Variants in GFRA1 observed in about 807,000 individuals in gnomAD.
GFRA1 encodes GDNF family receptor alpha 1.
A neutral mutation model predicts 51.6 loss-of-function variants in GFRA1; 16 were observed. The ratio of observed to expected loss-of-function variants is 0.31; its 90% CI spans 0.21 to 0.47. The LOEUF is 0.47. Ranked by LOEUF, GFRA1 falls within the 20% of genes least tolerant of loss-of-function variation. The pLI is 1.00. For synonymous variants in GFRA1, 270 were observed against 241.3 expected (o/e 1.12, Z -1.10); for missense variants, 530 against 594.3 (o/e 0.89, Z 1.13).
At chr10:116,117,541 G>GTGGATGGA (rs1957462063) in intron 6 of GFRA1, among the ~76,000 whole-genome samples, 1 of 124,760 alleles carries the variant, frequency 8.0e-6, no homozygotes, top group Non-Finnish European at 1.7e-5. Context: ...GGATGGGTGG[G>GTGGATGGA]TGGGTGGGTG....
intron 5 of GFRA1, among the ~76,000 whole-genome samples, chr10:116,133,166 T>C (rs1469468450): frequency 6.6e-6 from 1 of 152,126 alleles, no homozygotes; most frequent in African/African-American, 2.4e-5. Context: ...GGGGAGTGCA[T>C]ATGCGAGTGG....
At position 116,148,082 on chromosome 10, in the gene GFRA1, G is replaced by GTGTGTCCATGCA. The variant is rs1555158858; in HGVS notation, c.434-22526_434-22525insTGCATGGACACA. ...TGTGTGCATGCGTGTGTGCATGTGT[G>GTGTGTCCATGCA]TGTGTGCATGCGTGTGTGCATGCAT... On this transcript the variant is annotated intron_variant, in intron 5 of 10. Coordinates refer to ENST00000355422, the MANE Select transcript of GFRA1 (RefSeq NM_005264.8). 1.5e-3 allele frequency among the ~76,000 whole-genome samples: 197 copies of GTGTGTCCATGCA among 129,492 alleles called. 2 individuals carry two copies. Among genetic ancestry groups the GTGTGTCCATGCA allele is most frequent in the Non-Finnish European group, 2.7e-3 (162 of 59,442 alleles). 85.0% of individuals were successfully genotyped at this position (129,492 alleles called of 152,430 possible).
intron 6 of GFRA1, among the ~76,000 whole-genome samples, chr10:116,122,365 C>T (rs1347942240): frequency 6.6e-6 from 1 of 152,166 alleles, no homozygotes. Flanking sequence ...GGGCTGTCTG[C>T]TTCCTGTTGT....
rs531059578 is a variant in GFRA1 at position 116,270,768 on chromosome 10, C to T, written c.334+54G>A. 5.3e-6 allele frequency: 8 copies of T among 1,503,042 alleles called. No homozygotes were observed. In the African/African-American group the frequency reaches 1.1e-4, roughly 21 times the overall value. 93.1% of individuals were successfully genotyped at this position (1,503,042 alleles called of 1,614,324 possible). ...GATCAGCTGGCCCAGGGACGAAAGG[C>T]CCGCCTGCCTTCGGGGAGGGACACG... is the stretch of plus-strand genomic sequence containing the variant. On this transcript the variant is annotated intron_variant, in intron 3 of 10. Coordinates refer to ENST00000355422, the MANE Select transcript of GFRA1 (RefSeq NM_005264.8).
chr10:116,213,740 A>G (rs920742689), intron 4 of GFRA1, among the ~76,000 whole-genome samples: 8 of 152,098 alleles, frequency 5.3e-5, no homozygotes, highest in African/African-American at 1.9e-4. Flanking sequence ...GCAAGAAGAG[A>G]AGATCTATGG....
At chr10:116,134,581 C>T (rs1958241727) in intron 5 of GFRA1, among the ~76,000 whole-genome samples, 1 of 152,186 alleles carries the variant, frequency 6.6e-6, no homozygotes. Context: ...CCCATTTTGT[C>T]ATTCGTACAC....
At chr10:116,258,407 T>TAA (rs1305424796) in intron 4 of GFRA1, among the ~76,000 whole-genome samples, 1 of 7,836 alleles carries the variant, frequency 1.3e-4, no homozygotes, top group Non-Finnish European at 3.0e-3. Flanking sequence ...ATAAAATATA[T>TAA]TATATTAATA....
chr10:116,164,743 T>C (rs1343224714), intron 5 of GFRA1, among the ~76,000 whole-genome samples: 2 of 152,128 alleles, frequency 1.3e-5, no homozygotes, highest in Non-Finnish European at 2.9e-5. Flanking sequence ...AAAAATAAGG[T>C]CTTTCCTTCA....
chr10:116,178,882 C>T (rs1057503867), intron 5 of GFRA1, among the ~76,000 whole-genome samples: 2 of 152,176 alleles, frequency 1.3e-5, no homozygotes, highest in African/African-American at 4.8e-5. Flanking sequence ...GAATCTCAGT[C>T]GGTCCTCTGA....
At chr10:116,157,877 G>A (rs1427426470) in intron 5 of GFRA1, among the ~76,000 whole-genome samples, 1 of 152,202 alleles carries the variant, frequency 6.6e-6, no homozygotes, top group Non-Finnish European at 1.5e-5. Context: ...CTGAACCTCA[G>A]AGCTGGTGAT....
At chr10:116,199,548 T>A (rs899065328) in intron 5 of GFRA1, among the ~76,000 whole-genome samples, 2 of 152,246 alleles carry the variant, frequency 1.3e-5, no homozygotes, top group East Asian at 3.8e-4. Context: ...AAATCTATAC[T>A]TGCTTTACCA....
chr10:116,080,153 A>AACTT (rs1328222286), intron 9 of GFRA1, among the ~76,000 whole-genome samples: 1 of 152,090 alleles, frequency 6.6e-6, no homozygotes, highest in Non-Finnish European at 1.5e-5. Context: ...AACTAATAAA[A>AACTT]ACTTACATAG....
intron 4 of GFRA1, among the ~76,000 whole-genome samples, chr10:116,251,026 C>T (rs1479051289): frequency 1.3e-5 from 2 of 152,242 alleles, no homozygotes; most frequent in Non-Finnish European, 2.9e-5. Flanking sequence ...GTCACCTCCT[C>T]AGAGAGGCAC....
At chr10:116,262,500 TA>T (rs10709032) in intron 4 of GFRA1, among the ~76,000 whole-genome samples, 120,166 of 145,114 alleles carry the variant, frequency 0.83, 47,815 homozygotes, top group African/African-American at 0.89. Flanking sequence ...ACCATTTTTG[TA>T]AAAAAAAATA....
chr10:116,214,667 A>T (rs1202321878), intron 4 of GFRA1, among the ~76,000 whole-genome samples: 2 of 152,222 alleles, frequency 1.3e-5, no homozygotes, highest in Non-Finnish European at 2.9e-5. Context: ...CAACCCTGAA[A>T]ACATTAGTGA....
intron 5 of GFRA1, among the ~76,000 whole-genome samples, chr10:116,199,307 C>A (rs141505161): frequency 8.5e-5 from 13 of 152,322 alleles, no homozygotes; most frequent in South Asian, 2.1e-4. Context: ...CGCGCTGCAG[C>A]CGGACCCCAA....
chr10:116,240,303 G>A (rs1342821153), intron 4 of GFRA1, among the ~76,000 whole-genome samples: 2 of 152,136 alleles, frequency 1.3e-5, no homozygotes, highest in African/African-American at 2.4e-5. Flanking sequence ...ACCTCTCAAC[G>A]CCGTGCTCCA....
rs1210558285 is a variant in GFRA1 at position 116,063,294 on chromosome 10, T to C, written c.*1104A>G. The C allele has an allele frequency of 6.6e-6, 1 of 152,218 alleles. No homozygotes were observed. The highest frequency in any genetic ancestry group is 1.5e-5 in the Non-Finnish European group (1 of 68,038). 9.4% of individuals were successfully genotyped at this position (152,218 alleles called of 1,614,324 possible). On this transcript the variant is annotated 3_prime_UTR_variant, in exon 11 of 11. Transcript: ENST00000355422. ...GTATGCACGCTTGCACTTCGAGCAA[T>C]GACAAAAGACAATGCTTGTCTGTTC...
rs1027807316 is a variant in GFRA1, at chr10:116,060,924, G to T, written c.*3474C>A. The T allele has an allele frequency of 7.9e-5, 12 of 152,140 alleles. No homozygotes were observed. The highest frequency in any genetic ancestry group is 2.4e-4 in the African/African-American group (10 of 41,428). 9.4% of individuals were successfully genotyped at this position (152,140 alleles called of 1,614,324 possible). A position where few individuals can be genotyped will look rare whatever the true frequency, so the allele number is the denominator to read the frequency against. The stretch of plus-strand genomic sequence containing the variant: ...ACATTTCCGCTGAATTCTGAGAAAA[G>T]AATTCGCTAATTATATAAACTCCCA... On this transcript the variant is annotated 3_prime_UTR_variant, in exon 11 of 11. Coordinates refer to ENST00000355422, the MANE Select transcript of GFRA1 (RefSeq NM_005264.8).
Sources: gnomAD v4.1 joint callset for allele counts (sites outside exome capture counted in the v4.1 genomes callset) on GRCh38, gnomAD v4.1.1 for gene constraint, MANE v1.5 for transcripts, NCBI Gene and HGNC (gene_info 2026-07-23, HGNC 2026-07-21) for gene names.